Variants in PDLIM3 observed in about 807,000 individuals in gnomAD.
PDLIM3 encodes the protein PDZ and LIM domain protein 3.
A neutral mutation model predicts 37.3 loss-of-function variants in PDLIM3; 36 were observed. The ratio of observed to expected loss-of-function variants is 0.97; its 90% CI spans 0.74 to 1.28. The LOEUF is 1.28. Ranked by LOEUF, PDLIM3 falls within the 50% of genes most tolerant of loss-of-function variation. The pLI is 0.00. For synonymous variants in PDLIM3, 174 were observed against 182.4 expected (o/e 0.95, Z 0.37); for missense variants, 454 against 485.0 (o/e 0.94, Z 0.60).
chr4:185,503,771 A>G (rs1047929137), intron 7 of PDLIM3, among the ~76,000 whole-genome samples: 1 of 152,152 alleles, frequency 6.6e-6, no homozygotes, highest in Non-Finnish European at 1.5e-5. Flanking sequence ...AACACGGTGA[A>G]ACCCCCTCTC....
chr4:185,502,198 G>T lies in PDLIM3; in HGVS notation c.*96C>A. 1 of 1,264,560 alleles carries T rather than the reference G, an allele frequency of 7.9e-7. No homozygotes were observed. Among genetic ancestry groups the T allele is most frequent in the Non-Finnish European group, 1.1e-6 (1 of 875,610 alleles). The allele number at this position is 1,264,560 out of a possible 1,614,324, so 78.3% of individuals were successfully genotyped here. A position where few individuals can be genotyped will look rare whatever the true frequency, so the allele number is the denominator to read the frequency against. ...AAGCCTTGACTTTAGATTTGGAGTT[G>T]ACAATCTGCACAATCCTTCTGCCCA... On this transcript the variant is annotated 3_prime_UTR_variant, in exon 8 of 8. Coordinates refer to ENST00000284767, the MANE Select transcript of PDLIM3 (RefSeq NM_014476.6).
At chr4:185,513,232 T>C (rs532006978) in intron 4 of PDLIM3, 4 of 985,424 alleles carry the variant, frequency 4.1e-6, no homozygotes, top group Non-Finnish European at 4.8e-6. Context: ...CCTGCTCCTC[T>C]GGTCCAGGGC....
chr4:185,510,158 G>A (rs2095704318), intron 4 of PDLIM3, among the ~76,000 whole-genome samples: 1 of 152,166 alleles, frequency 6.6e-6, no homozygotes, highest in African/African-American at 2.4e-5. Context: ...ATTTTCAGTT[G>A]TAGTGCAGTT....
chr4:185,505,035 G>A (rs928478569), intron 6 of PDLIM3, among the ~76,000 whole-genome samples: 3 of 151,954 alleles, frequency 2.0e-5, no homozygotes, highest in African/African-American at 7.3e-5. Context: ...GTAACTCCCC[G>A]TGCTCCTGCT....
Position 185,514,340 on chromosome 4 carries a change from G to T in PDLIM3, c.331-3C>A. 1 of 1,614,230 alleles carries T rather than the reference G, an allele frequency of 6.2e-7. No homozygotes were observed. The highest frequency in any genetic ancestry group is 1.1e-5 in the South Asian group (1 of 91,086). The stretch of plus-strand genomic sequence containing the variant: ...TTGTGTTCAAAGTAGTTCCCGTCCT[G>T]TGAAAACAAAGCGTTAAAAAGGCCC... On this transcript the variant is annotated splice_region_variant and splice_polypyrimidine_tract_variant and intron_variant, in intron 3 of 7. Coordinates refer to ENST00000284767, the MANE Select transcript of PDLIM3 (RefSeq NM_014476.6). This position sits in a 1 kb window ranked among gnomAD's most constrained non-coding sequence, Gnocchi z 4.0.
At chr4:185,530,177 A>G (rs1407161708) in intron 1 of PDLIM3, among the ~76,000 whole-genome samples, 3 of 152,246 alleles carry the variant, frequency 2.0e-5, no homozygotes, top group African/African-American at 7.2e-5. Flanking sequence ...CCACGTAGAC[A>G]CGGTCTGTGT....
intron 4 of PDLIM3, among the ~76,000 whole-genome samples, chr4:185,511,387 C>G (rs574799361): frequency 8.7e-4 from 127 of 146,544 alleles, no homozygotes; most frequent in African/African-American, 3.0e-3. Context: ...TTTTTTGAGA[C>G]AGTCTCACTC....
At chr4:185,527,027 T>A (rs1189447772) in intron 1 of PDLIM3, among the ~76,000 whole-genome samples, 9 of 152,240 alleles carry the variant, frequency 5.9e-5, no homozygotes, top group Admixed American at 5.9e-4. Context: ...GACTGGATGC[T>A]CTTGAGGATA....
Position 185,535,490 on chromosome 4 carries a change from C to T in PDLIM3, c.-56G>A, listed in dbSNP as rs563796444. 4.3e-5 allele frequency: 63 copies of T among 1,460,760 alleles called. 1 individual carries two copies. The East Asian group carries it at 7.0e-4, about 16-fold the overall frequency. The allele number at this position is 1,460,760 out of a possible 1,614,324, so 90.5% of individuals were successfully genotyped here. ...GTGTCCCCGCGCAGGGCAGCCACTC[C>T]GCGCCGGGCGGCGTCCTGGCCCCGA... is the stretch of plus-strand genomic sequence containing the variant. On this transcript the variant is annotated 5_prime_UTR_variant, in exon 1 of 8. Transcript: ENST00000284767.
chr4:185,529,811 A>G (rs1250764625), intron 1 of PDLIM3, among the ~76,000 whole-genome samples: 1 of 152,212 alleles, frequency 6.6e-6, no homozygotes, highest in Non-Finnish European at 1.5e-5. Flanking sequence ...GGATGCTTGG[A>G]AAGTATAAGA....
At chr4:185,528,653 G>T (rs772603233) in intron 1 of PDLIM3, among the ~76,000 whole-genome samples, 8 of 152,226 alleles carry the variant, frequency 5.3e-5, no homozygotes, top group Admixed American at 1.3e-4. Flanking sequence ...TCAGAAGTCA[G>T]CTAGGACAGG....
intron 7 of PDLIM3, 82 bp from the exon 8 acceptor site, chr4:185,502,565 C>T (rs1055707066): frequency 1.6e-5 from 20 of 1,268,960 alleles, no homozygotes; most frequent in Non-Finnish European, 2.1e-5. Context: ...ACAGAGAAGG[C>T]AGATGTTCTC....
chr4:185,514,015 G>C lies in PDLIM3; in HGVS notation c.398+255C>G, dbSNP rs777644454. On this transcript the variant is annotated intron_variant, in intron 4 of 7. Transcript: ENST00000284767. This position sits in a 1 kb window ranked among gnomAD's most constrained non-coding sequence, Gnocchi z 4.0. Reference sequence around the variant, plus strand: ...CTGGATGGGATCCCCAGAGCCTCAGGGGTGTTCGCTATAAATACACGTGGT... The same window carrying C: ...CTGGATGGGATCCCCAGAGCCTCAGCGGTGTTCGCTATAAATACACGTGGT... 1.4e-5 allele frequency: 19 copies of C among 1,353,574 alleles called. No individual in the cohort carries two copies. The highest frequency in any genetic ancestry group is 2.6e-4 in the Middle Eastern group (1 of 3,782). 83.8% of individuals were successfully genotyped at this position (1,353,574 alleles called of 1,614,324 possible).
intron 4 of PDLIM3, chr4:185,513,565 T>C (rs931187857): frequency 3.1e-5 from 31 of 984,860 alleles, no homozygotes; most frequent in Non-Finnish European, 3.6e-5. Context: ...GCCTGTGAAA[T>C]AAATCCACCT....
rs374935162 is a variant in PDLIM3, at chr4:185,506,584, G to T, written c.731C>A (p.Pro244His). 38 of 1,612,678 alleles carry T rather than the reference G, an allele frequency of 2.4e-5. No individual in the cohort carries two copies. Among genetic ancestry groups the T allele is most frequent in the Non-Finnish European group, 3.1e-5 (37 of 1,180,010 alleles). Reference protein sequence around the residue: ...YRMLHDNRNEPTQPRQSGSFR... With the variant: ...YRMLHDNRNEHTQPRQSGSFR... ...GGAGCCCGACTGGCGAGGCTGTGTG[G>T]GCTCATTCCGATTGTCGTGGAGCAT... Residue 244 changes from proline to histidine, a missense_variant, in exon 6 of 8, where the codon CCC becomes CAC. Physicochemically the swap from Pro to His is moderately conservative, Grantham distance 77. Coordinates refer to ENST00000284767, the MANE Select transcript of PDLIM3 (RefSeq NM_014476.6).
intron 4 of PDLIM3, chr4:185,512,675 C>A: frequency 1.0e-6 from 1 of 985,260 alleles, no homozygotes; most frequent in Non-Finnish European, 1.2e-6. Context: ...TTTATTCAAG[C>A]CTTCTGAAGC....
At chr4:185,526,976 T>C (rs1206669126) in intron 1 of PDLIM3, among the ~76,000 whole-genome samples, 1 of 152,232 alleles carries the variant, frequency 6.6e-6, no homozygotes, top group Non-Finnish European at 1.5e-5. Flanking sequence ...TGTACTTTTA[T>C]GTTTGTTTAT....
intron 1 of PDLIM3, among the ~76,000 whole-genome samples, chr4:185,534,879 G>A (rs1458957725): frequency 2.0e-5 from 3 of 152,246 alleles, no homozygotes; most frequent in Non-Finnish European, 2.9e-5. Context: ...TCATCCGGAC[G>A]AGAAAAACGC....
chr4:185,523,568 A>ATT lies in PDLIM3; in HGVS notation c.246-124_246-123dup, dbSNP rs10641473. 0.59 allele frequency: 289,628 copies of ATT among 494,960 alleles called. 59,923 individuals carry two copies. Among genetic ancestry groups the ATT allele is most frequent in the Admixed American group, 0.63 (18,555 of 29,546 alleles). 30.7% of individuals were successfully genotyped at this position (494,960 alleles called of 1,614,324 possible). On this transcript the variant is annotated intron_variant, in intron 2 of 7. Coordinates refer to ENST00000284767, the MANE Select transcript of PDLIM3 (RefSeq NM_014476.6). Reference sequence around the variant, plus strand: ...AACCTCACTAACTTATGCAAAAACAATTTTTTTTTTTGCTGATTATTCTGT... The same window carrying ATT: ...AACCTCACTAACTTATGCAAAAACAATTTTTTTTTTTTTGCTGATTATTCTGT...
Sources: allele counts gnomAD v4.1 joint callset (sites outside exome capture counted in the v4.1 genomes callset), GRCh38; gene constraint gnomAD v4.1.1; non-coding constraint Gnocchi (gnomAD v3.1); transcripts MANE v1.5; gene names NCBI Gene and HGNC (gene_info 2026-07-23, HGNC 2026-07-21).